Variants in KLHL29 observed in about 807,000 individuals in gnomAD.
The protein encoded by KLHL29 is kelch-like protein 29.
In KLHL29, 21 loss-of-function variants were observed where a neutral mutation model predicts 80.4. That is an observed-to-expected ratio of 0.26 (90% confidence interval 0.19 to 0.38). The LOEUF is 0.38. KLHL29 is among the 10% of genes least tolerant of loss of function. The pLI is 1.00. For missense variants in KLHL29, 867 were observed against 1,223.9 expected (o/e 0.71, Z 4.35); for synonymous variants, 511 against 526.8 (o/e 0.97, Z 0.41).
intron 4 of KLHL29, among the ~76,000 whole-genome samples, chr2:23,641,269 A>G (rs1259236699): frequency 1.3e-5 from 2 of 152,036 alleles, no homozygotes; most frequent in Admixed American, 6.6e-5. Flanking sequence ...CACCTCATTC[A>G]GCCATATTTT....
chr2:23,695,661 C>T lies in KLHL29; in HGVS notation c.1581C>T (p.Phe527=). 6.4e-7 allele frequency: 1 copy of T among 1,551,580 alleles called. No homozygotes were observed. Among genetic ancestry groups the T allele is most frequent in the Non-Finnish European group, 8.7e-7 (1 of 1,146,932 alleles). The stretch of plus-strand genomic sequence containing the variant: ...TCCTGGCCGTGGTCCGCCTCCCCTT[C>T]ATCCACCCCAGCTACCTGCTCAATG... The part of the protein sequence containing the change: ...AELLAVVRLP[F]IHPSYLLNVV... Residue 527 remains phenylalanine, a synonymous_variant, in exon 9 of 14, where the codon TTC becomes TTT. Coordinates refer to ENST00000486442, the MANE Select transcript of KLHL29 (RefSeq NM_052920.2). The surrounding 1 kb of genome is among the most constrained non-coding windows in gnomAD (Gnocchi z 7.6).
intron 5 of KLHL29, among the ~76,000 whole-genome samples, chr2:23,663,373 T>C (rs2149171197): frequency 6.6e-6 from 1 of 152,322 alleles, no homozygotes; most frequent in South Asian, 2.1e-4. Flanking sequence ...CGGGGTTGCC[T>C]GTGCCCGGCA....
At chr2:23,691,546 C>T (rs1408826213) in intron 6 of KLHL29, 128 bp from the exon 7 acceptor site, 6 of 697,216 alleles carry the variant, frequency 8.6e-6, no homozygotes, top group Non-Finnish European at 1.2e-5. Flanking sequence ...TCAGGTGTGT[C>T]ATTGCCGTGT....
At chr2:23,415,762 G>T (rs940648754) in intron 1 of KLHL29, among the ~76,000 whole-genome samples, 4 of 151,794 alleles carry the variant, frequency 2.6e-5, no homozygotes, top group African/African-American at 4.8e-5. Flanking sequence ...GCAGTGGCAC[G>T]ATCACAGCTC....
rs1465072134 is a variant in KLHL29 at position 23,639,197 on chromosome 2, G to T, written c.344G>T (p.Trp115Leu). 1 of 1,546,770 alleles carries T rather than the reference G, an allele frequency of 6.5e-7. No homozygotes were observed. The highest frequency in any genetic ancestry group is 8.7e-7 in the Non-Finnish European group (1 of 1,145,114). ...QSQGLATSIR[W>L]GQTPINQSTP... ...CAGGGACTGGCGACCAGCATCCGGT[G>T]GGGGCAGACGCCTATCAATCAGTCC... is the stretch of plus-strand genomic sequence containing the variant. The change falls in exon 4 of 14, where the codon TGG becomes TTG. Residue 115 changes from tryptophan to leucine, a missense_variant. Physicochemically the swap from Trp to Leu is moderately conservative, Grantham distance 61. This residue lies in a region of KLHL29 where 424 missense variants were observed against 456.9 expected (regional missense o/e 0.93). Transcript: ENST00000486442.
In KLHL29 at chr2:23,706,975, T is replaced by C; in HGVS notation, c.*311T>C. 4.0e-6 allele frequency: 1 copy of C among 250,828 alleles called. No individual in the cohort carries two copies. Among genetic ancestry groups the C allele is most frequent in the Non-Finnish European group, 7.5e-6 (1 of 133,144 alleles). The allele number at this position is 250,828 out of a possible 1,614,324, so 15.5% of individuals were successfully genotyped here. On this transcript the variant is annotated 3_prime_UTR_variant, in exon 14 of 14. Coordinates refer to ENST00000486442, the MANE Select transcript of KLHL29 (RefSeq NM_052920.2). ...TATTTTTCAACTGGGAGAGAGAAGC[T>C]GTTTTTTCCTTCCTGCAGAGCAAGC...
chr2:23,438,442 T>G (rs1323462594), intron 1 of KLHL29, among the ~76,000 whole-genome samples: 1 of 129,072 alleles, frequency 7.7e-6, no homozygotes, highest in Non-Finnish European at 1.6e-5. Flanking sequence ...ATATCGGCTG[T>G]GGGTTTGTCA....
At chr2:23,569,384 C>A (rs181556556) in intron 3 of KLHL29, among the ~76,000 whole-genome samples, 68 of 152,326 alleles carry the variant, frequency 4.5e-4, no homozygotes, top group African/African-American at 1.6e-3. Context: ...CCCAAAAGCC[C>A]TCAGAAGGGC....
At chr2:23,552,794 T>G (rs1412696101) in intron 2 of KLHL29, among the ~76,000 whole-genome samples, 2 of 119,806 alleles carry the variant, frequency 1.7e-5, no homozygotes, top group East Asian at 4.4e-4. Context: ...GGCGTCTCAC[T>G]GTGTCGCCAG....
At chr2:23,657,232 C>T (rs1009581598) in intron 5 of KLHL29, among the ~76,000 whole-genome samples, 7 of 152,162 alleles carry the variant, frequency 4.6e-5, no homozygotes, top group South Asian at 2.1e-4. Flanking sequence ...CTTAAATGTA[C>T]GGAATTCCCC....
rs1016770041 is a variant in KLHL29, at chr2:23,681,493, C to T, written c.941-2906C>T. Among the ~76,000 whole-genome samples the T allele has an allele frequency of 3.3e-5, 5 of 152,142 alleles. No individual in the cohort carries two copies. The highest frequency in any genetic ancestry group is 1.2e-4 in the African/African-American group (5 of 41,422). ...AAGGTCTTCAGAAACCCTCAGGATG[C>T]CTCGGGCCCAGAAAGAGTAGGCATT... On this transcript the variant is annotated intron_variant, in intron 5 of 13. Coordinates refer to ENST00000486442, the MANE Select transcript of KLHL29 (RefSeq NM_052920.2). This position sits in a 1 kb window ranked among gnomAD's most constrained non-coding sequence, Gnocchi z 4.2.
intron 3 of KLHL29, among the ~76,000 whole-genome samples, chr2:23,577,210 G>A (rs1048807230): frequency 6.6e-6 from 1 of 152,248 alleles, no homozygotes; most frequent in Admixed American, 6.5e-5. Flanking sequence ...AGCACTTTGG[G>A]AGGCCGAGGT....
chr2:23,594,679 A>G (rs189111614), intron 3 of KLHL29, among the ~76,000 whole-genome samples: 2 of 152,318 alleles, frequency 1.3e-5, no homozygotes, highest in African/African-American at 4.8e-5. Flanking sequence ...AAAGCATTAG[A>G]TGGAATTAAA....
At chr2:23,662,652 C>A (rs1670444339) in intron 5 of KLHL29, among the ~76,000 whole-genome samples, 1 of 152,292 alleles carries the variant, frequency 6.6e-6, no homozygotes, top group African/African-American at 2.4e-5. Flanking sequence ...CTTCCAGATC[C>A]CCCTGGGTTT....
chr2:23,512,262 A>G (rs1665794819), intron 2 of KLHL29, among the ~76,000 whole-genome samples: 2 of 152,202 alleles, frequency 1.3e-5, no homozygotes, highest in Non-Finnish European at 2.9e-5. Flanking sequence ...CCTGACGCAC[A>G]TGGAGAAACT....
intron 1 of KLHL29, among the ~76,000 whole-genome samples, chr2:23,386,861 G>T (rs1572471580): frequency 1.3e-5 from 2 of 152,240 alleles, no homozygotes; most frequent in East Asian, 3.9e-4. Context: ...GGGACGCGCT[G>T]CCTGCCTGCG....
chr2:23,415,208 G>A (rs1376529223), intron 1 of KLHL29, among the ~76,000 whole-genome samples: 1 of 152,218 alleles, frequency 6.6e-6, no homozygotes, highest in Admixed American at 6.5e-5. Context: ...GGTGGAGCAA[G>A]GGAGGTAAGT....
In KLHL29 at chr2:23,457,942, G is replaced by A. The variant is rs1199063248; in HGVS notation, c.-153-17618G>A. 5.9e-5 allele frequency among the ~76,000 whole-genome samples: 9 copies of A among 152,172 alleles called. No homozygotes were observed. The highest frequency in any genetic ancestry group is 2.2e-4 in the African/African-American group (9 of 41,434). On this transcript the variant is annotated intron_variant, in intron 1 of 13. Coordinates refer to ENST00000486442, the MANE Select transcript of KLHL29 (RefSeq NM_052920.2). This position sits in a 1 kb window ranked among gnomAD's most constrained non-coding sequence, Gnocchi z 4.3. ...GCAGGAGAATGGCATGAACCAGGGA[G>A]GCGGAGCTTGCAGTGAACTGAGATC... is the stretch of plus-strand genomic sequence containing the variant.
intron 3 of KLHL29, among the ~76,000 whole-genome samples, chr2:23,625,718 T>G (rs898635056): frequency 1.3e-5 from 2 of 152,246 alleles, no homozygotes; most frequent in Non-Finnish European, 2.9e-5. Flanking sequence ...ATGGACTGAA[T>G]TGTGCCCCCA....
Sources: gnomAD v4.1 joint callset for allele counts (sites outside exome capture counted in the v4.1 genomes callset) on GRCh38, gnomAD v4.1.1 for gene constraint, gnomAD v4.1.1 regional missense constraint, Gnocchi (gnomAD v3.1) non-coding constraint, MANE v1.5 for transcripts, NCBI Gene and HGNC (gene_info 2026-07-23, HGNC 2026-07-21) for gene names.